ATL2: variants seen among roughly 807,000 people sequenced by gnomAD.
ATL2 encodes the protein atlastin-2.
ATL2 carries 31 observed loss-of-function variants against 73.9 expected under a neutral mutation model. The ratio of observed to expected loss-of-function variants is 0.42; its 90% CI spans 0.32 to 0.57. The LOEUF is 0.57. Among genes scored for constraint, ATL2 ranks in the 20% least tolerant of loss-of-function variants. ATL2 has a pLI of 0.14. For missense variants in ATL2, 738 were observed against 702.6 expected (o/e 1.05, Z -0.57); for synonymous variants, 291 against 237.5 (o/e 1.23, Z -2.07).
At chr2:38,333,556 T>G (rs1669124759) in intron 2 of ATL2, among the ~76,000 whole-genome samples, 1 of 152,216 alleles carries the variant, frequency 6.6e-6, no homozygotes, top group Non-Finnish European at 1.5e-5. Flanking sequence ...TAAAACCAGT[T>G]ACTTTAGAAA....
intron 1 of ATL2, chr2:38,376,270 A>T (rs1447033741): frequency 7.2e-7 from 1 of 1,391,874 alleles, no homozygotes; most frequent in African/African-American, 1.4e-5. Flanking sequence ...GTTATGAGTG[A>T]GAGGGATACA....
At chr2:38,345,420 GACT>G (rs1669963306) in intron 1 of ATL2, among the ~76,000 whole-genome samples, 1 of 152,130 alleles carries the variant, frequency 6.6e-6, no homozygotes, top group South Asian at 2.1e-4. Flanking sequence ...GATTTGCAAA[GACT>G]ATTAGAGCCT....
At chr2:38,351,185 C>T (rs1387930842) in intron 1 of ATL2, among the ~76,000 whole-genome samples, 2 of 152,110 alleles carry the variant, frequency 1.3e-5, no homozygotes, top group African/African-American at 2.4e-5. Flanking sequence ...AGCTAAGTAA[C>T]GTGTTAGTGC....
At chr2:38,376,059 T>G in intron 1 of ATL2, 2 of 1,384,912 alleles carry the variant, frequency 1.4e-6, no homozygotes, top group Non-Finnish European at 1.9e-6. Flanking sequence ...AAAGAAATCT[T>G]AAGACACGAG....
chr2:38,369,424 C>G lies in ATL2; in HGVS notation c.118+7719G>C, dbSNP rs537829689. Among the ~76,000 whole-genome samples, 3 of 152,000 alleles carry G rather than the reference C, an allele frequency of 2.0e-5. No individual in the cohort carries two copies. In the South Asian group the frequency reaches 6.2e-4, roughly 32 times the overall value. ...CTCTACTGCACTCCAGCCTGGGCGA[C>G]AGAGTAAGACTCTGTCTCAAAGAAA... On this transcript the variant is annotated intron_variant, in intron 1 of 12. Coordinates refer to ENST00000378954, the MANE Select transcript of ATL2 (RefSeq NM_001135673.4).
At chr2:38,312,907 A>C (rs530291986) in intron 7 of ATL2, among the ~76,000 whole-genome samples, 1 of 152,228 alleles carries the variant, frequency 6.6e-6, no homozygotes, top group African/African-American at 2.4e-5. Context: ...AAGTACTTCC[A>C]TGGGGGGCTA....
chr2:38,308,270 A>G (rs1187190300), intron 9 of ATL2, among the ~76,000 whole-genome samples: 1 of 152,250 alleles, frequency 6.6e-6, no homozygotes, highest in Admixed American at 6.5e-5. Context: ...CTACTCATCC[A>G]TATAAAAGAA....
At chr2:38,373,402 G>C (rs376336541) in intron 1 of ATL2, among the ~76,000 whole-genome samples, 1 of 152,212 alleles carries the variant, frequency 6.6e-6, no homozygotes, top group Non-Finnish European at 1.5e-5. Flanking sequence ...ATGAACAGGA[G>C]TTGTATGAAT....
chr2:38,325,695 C>CACACA (rs1558412023), intron 2 of ATL2, among the ~76,000 whole-genome samples: 4 of 9,246 alleles, frequency 4.3e-4, no homozygotes, highest in East Asian at 7.8e-3. Context: ...CACACACACA[C>CACACA]CAGTACACAC....
intron 2 of ATL2, among the ~76,000 whole-genome samples, chr2:38,334,611 T>C (rs559025986): frequency 1.1e-4 from 16 of 151,104 alleles, no homozygotes; most frequent in South Asian, 1.0e-3. Context: ...GGCAGGAGAA[T>C]TGCTTGAACC....
chr2:38,376,165 TTTC>T (rs1235437253), intron 1 of ATL2: 16 of 1,530,652 alleles, frequency 1.0e-5, no homozygotes, highest in African/African-American at 1.4e-5. Context: ...ACTTTATGCC[TTTC>T]TTAAGTACCA....
intron 2 of ATL2, among the ~76,000 whole-genome samples, chr2:38,326,809 A>C (rs1490733678): frequency 6.6e-6 from 1 of 151,948 alleles, no homozygotes; most frequent in Non-Finnish European, 1.5e-5. Flanking sequence ...TCAATACGGC[A>C]AAACCCCATC....
chr2:38,348,990 T>G (rs1185884231), intron 1 of ATL2, among the ~76,000 whole-genome samples: 2 of 151,904 alleles, frequency 1.3e-5, no homozygotes, highest in East Asian at 3.9e-4. Flanking sequence ...CTCACACCAG[T>G]TAGAATGGCG....
chr2:38,336,943 G>T (rs1220158413), intron 2 of ATL2, among the ~76,000 whole-genome samples: 1 of 152,140 alleles, frequency 6.6e-6, no homozygotes, highest in African/African-American at 2.4e-5. Context: ...ACTTGAGTCT[G>T]ATGAAGTCTC....
chr2:38,345,126 G>A (rs1558434696), intron 1 of ATL2, among the ~76,000 whole-genome samples: 1 of 151,954 alleles, frequency 6.6e-6, no homozygotes, highest in African/African-American at 2.4e-5. Flanking sequence ...TACTCCTGGG[G>A]ACCTTATCTT....
Position 38,357,232 on chromosome 2 carries a change from G to A in ATL2, c.119-13720C>T, listed in dbSNP as rs144843931. 4.7e-3 allele frequency among the ~76,000 whole-genome samples: 722 copies of A among 152,118 alleles called. 3 individuals carry two copies. Among genetic ancestry groups the A allele is most frequent in the African/African-American group, 0.016 (663 of 41,526 alleles). On this transcript the variant is annotated intron_variant, in intron 1 of 12. Coordinates refer to ENST00000378954, the MANE Select transcript of ATL2 (RefSeq NM_001135673.4). ...AATCCCAGCTACTTGAGAGGCTGAG[G>A]CAGGACAATTACTTGAACCCAGGAG...
chr2:38,358,016 C>G (rs1010670630), intron 1 of ATL2, among the ~76,000 whole-genome samples: 4 of 152,164 alleles, frequency 2.6e-5, no homozygotes, highest in African/African-American at 9.7e-5. Context: ...ATACACATCA[C>G]CTGAGTATCT....
intron 1 of ATL2, among the ~76,000 whole-genome samples, chr2:38,352,393 C>A (rs1227728604): frequency 6.6e-6 from 1 of 152,146 alleles, no homozygotes; most frequent in Non-Finnish European, 1.5e-5. Context: ...AGGACACTTT[C>A]AAGGTGAGTG....
intron 1 of ATL2, among the ~76,000 whole-genome samples, chr2:38,366,017 G>C (rs936728153): frequency 2.0e-5 from 3 of 149,014 alleles, no homozygotes; most frequent in Admixed American, 6.8e-5. Flanking sequence ...CCTACTACAA[G>C]AGCAGCCGTG....
Sources: gnomAD v4.1 joint callset for allele counts (sites outside exome capture counted in the v4.1 genomes callset) on GRCh38, gnomAD v4.1.1 for gene constraint, MANE v1.5 for transcripts, NCBI Gene and HGNC (gene_info 2026-07-23, HGNC 2026-07-21) for gene names.